The following ZNF407 variants were observed in gnomAD, a reference collection of about 807,000 sequenced individuals.
ZNF407 encodes zinc finger protein 407.
ZNF407 carries 17 observed loss-of-function variants against 131.2 expected under a neutral mutation model. The ratio of observed to expected loss-of-function variants is 0.13; its 90% confidence interval spans 0.09 to 0.19. The LOEUF is 0.19. Ranked by LOEUF, ZNF407 falls within the 10% of genes least tolerant of loss-of-function variation. ZNF407 has a pLI of 1.00. For synonymous variants in ZNF407, 1,156 were observed against 1,062.0 expected, an observed-to-expected ratio of 1.09 and a Z score of -1.72; for missense variants, 2,681 against 2,830.6, an observed-to-expected ratio of 0.95 and a Z score of 1.20.
chr18:74,806,594 T>C (rs1363969699), intron 4 of ZNF407, among the ~76,000 whole-genome samples: 1 of 152,204 alleles, frequency 6.6e-6, no homozygotes, highest in Non-Finnish European at 1.5e-5. Context: ...ATGAAAATAC[T>C]GTAAGGGAAA....
intron 3 of ZNF407, among the ~76,000 whole-genome samples, chr18:74,776,016 T>C (rs1033616505): frequency 1.3e-5 from 2 of 152,186 alleles, no homozygotes; most frequent in Non-Finnish European, 2.9e-5. Flanking sequence ...ACATTGCGGA[T>C]TGCAATTCAG....
chr18:75,004,869 C>T (rs1028093979), intron 8 of ZNF407, among the ~76,000 whole-genome samples: 5 of 152,182 alleles, frequency 3.3e-5, no homozygotes, highest in Non-Finnish European at 5.9e-5. Context: ...CGCCTCTCCT[C>T]GGCCCCACCG....
chr18:75,027,697 A>G (rs1375985556), intron 8 of ZNF407, among the ~76,000 whole-genome samples: 1 of 152,084 alleles, frequency 6.6e-6, no homozygotes, highest in African/African-American at 2.4e-5. Context: ...CTTAGGAGGG[A>G]GTGTGAGGAG....
At chr18:74,860,307 CGAAGAA>C (rs142538676) in intron 4 of ZNF407, among the ~76,000 whole-genome samples, 22 of 150,620 alleles carry the variant, frequency 1.5e-4, no homozygotes, top group East Asian at 2.0e-4. Flanking sequence ...TTAAAAAAAA[CGAAGAA>C]GAAGAAGAAG....
intron 8 of ZNF407, among the ~76,000 whole-genome samples, chr18:75,014,587 G>A (rs1973021467): frequency 6.6e-6 from 1 of 152,048 alleles, no homozygotes; most frequent in Non-Finnish European, 1.5e-5. Flanking sequence ...ACCCTCGTAA[G>A]TGGTCAGATT....
At chr18:74,986,973 G>A (rs1032576938) in intron 8 of ZNF407, among the ~76,000 whole-genome samples, 1 of 151,746 alleles carries the variant, frequency 6.6e-6, no homozygotes, top group Non-Finnish European at 1.5e-5. Context: ...TCTAGTATTT[G>A]TTTAAAATAT....
At chr18:74,871,528 G>C (rs1183539532) in intron 4 of ZNF407, among the ~76,000 whole-genome samples, 1 of 151,832 alleles carries the variant, frequency 6.6e-6, no homozygotes. Context: ...TTTAACATTA[G>C]TGTAGTTTTA....
At chr18:74,625,630 G>A (rs1983754906) in intron 1 of ZNF407, among the ~76,000 whole-genome samples, 2 of 152,156 alleles carry the variant, frequency 1.3e-5, no homozygotes, top group African/African-American at 4.8e-5. Flanking sequence ...ATATACAAAA[G>A]TTGATAGAAT....
chr18:75,064,267 G>A lies in ZNF407; in HGVS notation c.6546G>A (p.Glu2182=). 1 of 1,605,132 alleles carries A rather than the reference G, an allele frequency of 6.2e-7. No homozygotes were observed. Among genetic ancestry groups the A allele is most frequent in the South Asian group, 1.1e-5 (1 of 90,194 alleles). The part of the protein sequence containing the change: ...LTELPPGVQD[E]PGLYSHTVLE... ...AGCTGCCCCCAGGGGTGCAGGACGAGCCGGGCCTGTACTCCCACACCGTGC... is the reference window on the plus strand; with the variant it reads ...AGCTGCCCCCAGGGGTGCAGGACGAACCGGGCCTGTACTCCCACACCGTGC... Residue 2182 remains glutamate (E), a synonymous_variant, in exon 9 of 9, where the codon GAG becomes GAA. Coordinates refer to ENST00000299687, the MANE Select transcript of ZNF407 (RefSeq NM_017757.3).
At chr18:75,033,296 G>A (rs1006250452) in intron 8 of ZNF407, among the ~76,000 whole-genome samples, 8 of 151,728 alleles carry the variant, frequency 5.3e-5, no homozygotes, top group African/African-American at 1.9e-4. Context: ...AGAATGGGGG[G>A]AAGATAGTAT....
At chr18:75,055,066 A>T (rs1431156760) in intron 8 of ZNF407, among the ~76,000 whole-genome samples, 2 of 152,152 alleles carry the variant, frequency 1.3e-5, no homozygotes, top group Non-Finnish European at 2.9e-5. Context: ...ACACCCGGAA[A>T]TGTGTGCAGA....
At chr18:74,790,450 C>G (rs1969804828) in intron 4 of ZNF407, among the ~76,000 whole-genome samples, 1 of 152,140 alleles carries the variant, frequency 6.6e-6, no homozygotes, top group African/African-American at 2.4e-5. Flanking sequence ...TGATAGTAGA[C>G]TCAGATTTGG....
intron 7 of ZNF407, among the ~76,000 whole-genome samples, chr18:74,898,990 A>G (rs1278355398): frequency 1.3e-5 from 2 of 152,214 alleles, no homozygotes; most frequent in Non-Finnish European, 2.9e-5. Flanking sequence ...CTCCCAAATT[A>G]TACTTTTCCT....
chr18:75,021,270 T>TA (rs68132078), intron 8 of ZNF407, among the ~76,000 whole-genome samples: 1,578 of 149,330 alleles, frequency 0.011, 7 homozygotes, highest in Non-Finnish European at 0.017. Flanking sequence ...ACATTCTTTT[T>TA]AAAAAAAAAA....
chr18:75,038,324 A>G (rs1348535635), intron 8 of ZNF407, among the ~76,000 whole-genome samples: 2 of 152,180 alleles, frequency 1.3e-5, no homozygotes, highest in Admixed American at 1.3e-4. Context: ...ACTTCCCCAT[A>G]GTGTCTGAGG....
intron 4 of ZNF407, among the ~76,000 whole-genome samples, chr18:74,802,872 G>A (rs1970043766): frequency 6.6e-6 from 1 of 152,094 alleles, no homozygotes; most frequent in African/African-American, 2.4e-5. Context: ...AGTCTGTTCT[G>A]ACATTAAGCC....
intron 8 of ZNF407, among the ~76,000 whole-genome samples, chr18:75,058,479 C>T (rs1291124476): frequency 1.3e-5 from 2 of 152,194 alleles, no homozygotes; most frequent in Non-Finnish European, 2.9e-5. Flanking sequence ...CTGTTGAAAA[C>T]AGACCCAAAA....
intron 3 of ZNF407, among the ~76,000 whole-genome samples, chr18:74,723,499 A>G (rs942383046): frequency 1.3e-5 from 2 of 152,244 alleles, no homozygotes; most frequent in African/African-American, 4.8e-5. Flanking sequence ...TGTAGAAGTC[A>G]GCTGCTTGTA....
In ZNF407 at chr18:74,641,115, G is replaced by A. The variant is rs2144688984; in HGVS notation, c.4795G>A (p.Val1599Ile). Residue 1599 changes from valine (V) to isoleucine (I), a missense_variant, in exon 3 of 9, where the codon GTC (valine) becomes ATC (isoleucine). Around this residue, in one of 6 missense-constraint regions of ZNF407, gnomAD observed 213 missense variants for 332.2 expected, o/e 0.64. Coordinates refer to ENST00000299687, the MANE Select transcript of ZNF407 (RefSeq NM_017757.3). ...HLGMREYKCH[V>I]CGVAFVMKKH... is the part of the protein sequence containing the mutation. Reference sequence around the variant, plus strand: ...TGGGATGAGGGAATACAAGTGTCATGTCTGTGGGTGAGTAAATTGAAGCCA... The same window carrying A: ...TGGGATGAGGGAATACAAGTGTCATATCTGTGGGTGAGTAAATTGAAGCCA... 3 of 1,611,952 alleles carry A rather than the reference G, an allele frequency of 1.9e-6. No homozygotes were observed. The highest frequency in any genetic ancestry group is 1.7e-4 in the Middle Eastern group (1 of 6,056).
Sources: gnomAD v4.1 joint callset for allele counts (sites outside exome capture counted in the v4.1 genomes callset) on GRCh38, gnomAD v4.1.1 for gene constraint, gnomAD v4.1.1 regional missense constraint, MANE v1.5 for transcripts, NCBI Gene and HGNC (gene_info 2026-07-23, HGNC 2026-07-21) for gene names.